Variants in CECR2 observed in about 807,000 individuals in gnomAD.
CECR2 encodes chromatin remodeling regulator CECR2.
Under a neutral mutation model 154.5 loss-of-function variants are expected in CECR2, and 30 were observed. The observed-to-expected ratio is 0.19, with a 90% CI of 0.15 to 0.26. The LOEUF is 0.26. CECR2 is among the 10% of genes least tolerant of loss of function. The pLI is 1.00. For missense variants in CECR2, 1,743 were observed against 1,829.3 expected (o/e 0.95, Z 0.86); for synonymous variants, 725 against 683.7 (o/e 1.06, Z -0.94).
chr22:17,401,021 C>A (rs1275755680), intron 1 of CECR2, among the ~76,000 whole-genome samples: 2 of 152,130 alleles, frequency 1.3e-5, no homozygotes, highest in African/African-American at 2.4e-5. Flanking sequence ...CCTGCCTTGG[C>A]CTTCCAAAGT....
chr22:17,476,828 C>G (rs2055215347), intron 1 of CECR2, among the ~76,000 whole-genome samples: 2 of 152,168 alleles, frequency 1.3e-5, no homozygotes. Context: ...TAAGAAAATA[C>G]CTGCTTATTT....
intron 2 of CECR2, among the ~76,000 whole-genome samples, chr22:17,493,794 G>A (rs2055572744): frequency 6.6e-6 from 1 of 152,212 alleles, no homozygotes; most frequent in African/African-American, 2.4e-5. Context: ...TTTGTGGGCT[G>A]GTATGCCTGT....
rs553777422 is a variant in CECR2 at position 17,444,869 on chromosome 22, G to T, written c.127-32719G>T. The stretch of plus-strand genomic sequence containing the variant: ...CTGTGTTAATTACATCAGGATAGTA[G>T]CAGTACTTTTCCAGGAAGGTGATAC... On this transcript the variant is annotated intron_variant, in intron 1 of 18. Coordinates refer to ENST00000262608, the MANE Select transcript of CECR2 (RefSeq NM_001290047.2). Among the ~76,000 whole-genome samples, 10 of 152,294 alleles carry T rather than the reference G, an allele frequency of 6.6e-5. No homozygotes were observed. In the East Asian group the frequency reaches 1.7e-3, roughly 26 times the overall value.
intron 1 of CECR2, among the ~76,000 whole-genome samples, chr22:17,467,177 G>A (rs899997675): frequency 6.6e-6 from 1 of 152,170 alleles, no homozygotes; most frequent in Non-Finnish European, 1.5e-5. Flanking sequence ...CTGCTCAGAG[G>A]TGGCATATGT....
At chr22:17,361,809 T>C (rs903617398) in intron 1 of CECR2, among the ~76,000 whole-genome samples, 13 of 151,604 alleles carry the variant, frequency 8.6e-5, no homozygotes, top group African/African-American at 2.7e-4. Flanking sequence ...AGATTAGTAA[T>C]GTACTACACA....
intron 2 of CECR2, among the ~76,000 whole-genome samples, chr22:17,488,945 T>G (rs1255522188): frequency 6.6e-6 from 1 of 152,212 alleles, no homozygotes; most frequent in Non-Finnish European, 1.5e-5. Flanking sequence ...TTTTTAAATT[T>G]TTATTTACTT....
At chr22:17,383,714 C>T (rs755187238) in intron 1 of CECR2, among the ~76,000 whole-genome samples, 2 of 132,322 alleles carry the variant, frequency 1.5e-5, no homozygotes, top group African/African-American at 3.0e-5. Context: ...CAGGCTGGAG[C>T]GCAGTGGCAG....
intron 1 of CECR2, chr22:17,419,808 C>A: frequency 3.6e-6 from 1 of 276,736 alleles, no homozygotes; most frequent in South Asian, 7.5e-5. Context: ...ATTTGGTGCT[C>A]AGAATATAGC....
intron 1 of CECR2, among the ~76,000 whole-genome samples, chr22:17,454,904 G>A (rs1262462032): frequency 6.6e-6 from 1 of 152,156 alleles, no homozygotes; most frequent in Non-Finnish European, 1.5e-5. Flanking sequence ...TCTGCAGAAA[G>A]GGTACACTCA....
At chr22:17,414,949 G>A (rs2054134636) in intron 1 of CECR2, among the ~76,000 whole-genome samples, 1 of 152,138 alleles carries the variant, frequency 6.6e-6, no homozygotes, top group East Asian at 1.9e-4. Context: ...AATTTCTGAG[G>A]TGTGGTTTTT....
At chr22:17,429,434 G>A (rs1241607490) in intron 1 of CECR2, among the ~76,000 whole-genome samples, 2 of 151,686 alleles carry the variant, frequency 1.3e-5, no homozygotes, top group African/African-American at 4.9e-5. Context: ...GGGCGCGGTG[G>A]CTCACACCTG....
intron 1 of CECR2, among the ~76,000 whole-genome samples, chr22:17,384,021 A>T (rs2063231897): frequency 1.3e-5 from 2 of 151,796 alleles, no homozygotes; most frequent in African/African-American, 4.8e-5. Flanking sequence ...TCGCATCTGT[A>T]TTTCTTTCCT....
intron 6 of CECR2, 66 bp downstream of exon 6, chr22:17,503,197 ACT>A (rs2055771241): frequency 6.9e-7 from 1 of 1,443,844 alleles, no homozygotes; most frequent in South Asian, 1.2e-5. Flanking sequence ...TAGGGTGTTG[ACT>A]CTTTTTCTAG....
chr22:17,525,565 T>G (rs1444107532), intron 9 of CECR2, among the ~76,000 whole-genome samples: 1 of 151,666 alleles, frequency 6.6e-6, no homozygotes, highest in Non-Finnish European at 1.5e-5. Context: ...GAGATCGTGC[T>G]ACTGCACTCC....
intron 1 of CECR2, among the ~76,000 whole-genome samples, chr22:17,426,433 T>G (rs1312272617): frequency 6.6e-6 from 1 of 152,174 alleles, no homozygotes; most frequent in Non-Finnish European, 1.5e-5. Flanking sequence ...TTCAGCTCAC[T>G]GCAACCTCCG....
chr22:17,491,548 C>T (rs1320390230), intron 2 of CECR2, among the ~76,000 whole-genome samples: 1 of 129,708 alleles, frequency 7.7e-6, no homozygotes. Context: ...CACTTTATTT[C>T]CACTATTGGC....
rs758418427 is a variant in CECR2 at position 17,524,158 on chromosome 22, A to G, written c.995A>G (p.Lys332Arg). 6.2e-7 allele frequency: 1 copy of G among 1,603,322 alleles called. No individual in the cohort carries two copies. Among genetic ancestry groups the G allele is most frequent in the Non-Finnish European group, 8.5e-7 (1 of 1,174,982 alleles). The change falls in exon 9 of 19, where the codon AAA becomes AGA. Residue 332 changes from lysine to arginine, a missense_variant. Around this residue, in one of 4 missense-constraint regions of CECR2, gnomAD observed 292 missense variants for 301.2 expected, o/e 0.97. Transcript: ENST00000262608. ...ACCAGAATAGAAAAACAAAAGCGCA[A>G]AGAGGAGGAAGAAGAGCGTCAGATT... ...VLTRIEKQKR[K>R]EEEEERQILL... is the part of the protein sequence containing the mutation.
intron 7 of CECR2, among the ~76,000 whole-genome samples, chr22:17,511,376 A>G (rs2055948635): frequency 1.3e-5 from 2 of 152,068 alleles, no homozygotes; most frequent in South Asian, 4.2e-4. Context: ...CTCCTGGGCA[A>G]CTGCTCTCAC....
At chr22:17,396,641 A>G (rs2053816331) in intron 1 of CECR2, among the ~76,000 whole-genome samples, 1 of 152,222 alleles carries the variant, frequency 6.6e-6, no homozygotes, top group Non-Finnish European at 1.5e-5. Flanking sequence ...CTGTTTGAAA[A>G]TTGCTGTGGT....
Sources: allele counts gnomAD v4.1 joint callset (sites outside exome capture counted in the v4.1 genomes callset), GRCh38; gene constraint gnomAD v4.1.1; regional missense constraint gnomAD v4.1.1; transcripts MANE v1.5; gene names NCBI Gene and HGNC (gene_info 2026-07-23, HGNC 2026-07-21).